Variants in EHMT1 observed in about 807,000 individuals in gnomAD.
EHMT1 encodes the protein euchromatic histone lysine methyltransferase 1.
In EHMT1, 15 loss-of-function variants were observed where a neutral mutation model predicts 147.2. That is an observed-to-expected ratio of 0.10 (90% CI 0.07 to 0.16). EHMT1 has a LOEUF of 0.16. EHMT1 is among the 10% of genes least tolerant of loss of function. The pLI is 1.00. For missense variants in EHMT1, 1,587 were observed against 1,772.4 expected, an observed-to-expected ratio of 0.90 and a Z score of 1.88; for synonymous variants, 795 against 709.6, an observed-to-expected ratio of 1.12 and a Z score of -1.91.
At position 137,800,777 on chromosome 9, in the gene EHMT1, G is replaced by C. The variant is rs949157076; in HGVS notation, c.2608-103G>C. ...CCTGAGTGAGACGCCTGCACGAGGG[G>C]CATGGTACCTGGGAGGTGCAGAGAC... On this transcript the variant is annotated intron_variant, in intron 17 of 26. Coordinates refer to ENST00000460843, the MANE Select transcript of EHMT1 (RefSeq NM_024757.5). The C allele has an allele frequency of 4.2e-6, 4 of 959,956 alleles. No individual in the cohort carries two copies. The African/African-American group carries it at 6.5e-5, about 16-fold the overall frequency. The allele number at this position is 959,956 out of a possible 1,614,324, so 59.5% of individuals were successfully genotyped here.
intron 10 of EHMT1, chr9:137,764,154 A>T (rs1950054206): frequency 6.6e-6 from 1 of 152,398 alleles, no homozygotes; most frequent in Non-Finnish European, 1.5e-5. Flanking sequence ...GTGGAGTCAG[A>T]TCCCCGTGTG....
At chr9:137,817,696 C>T (rs1955031497) in intron 24 of EHMT1, 171 bp downstream of exon 24, 3 of 805,048 alleles carry the variant, frequency 3.7e-6, no homozygotes, top group Non-Finnish European at 6.0e-6. Context: ...GTGCTGTCCT[C>T]AGTCCTCTTG....
At chr9:137,817,306 G>A (rs1247746257) in intron 23 of EHMT1, 133 bp from the exon 24 acceptor site, 47 of 981,506 alleles carry the variant, frequency 4.8e-5, no homozygotes, top group Non-Finnish European at 1.7e-5. Flanking sequence ...GGTGCCTGCA[G>A]CATCGAACGC....
At chr9:137,783,203 T>C (rs1951701923) in intron 15 of EHMT1, among the ~76,000 whole-genome samples, 1 of 152,232 alleles carries the variant, frequency 6.6e-6, no homozygotes, top group Admixed American at 6.5e-5. Context: ...GAGGATTTCC[T>C]GTGTGACTTC....
At chr9:137,825,180 G>A (rs912959382) in intron 25 of EHMT1, among the ~76,000 whole-genome samples, 5 of 152,144 alleles carry the variant, frequency 3.3e-5, no homozygotes, top group African/African-American at 9.7e-5. Context: ...GGAGAATGTC[G>A]GGGCTTTGCC....
At chr9:137,801,102 C>G in intron 18 of EHMT1, 118 bp downstream of exon 18, 1 of 858,488 alleles carries the variant, frequency 1.2e-6, no homozygotes, top group Admixed American at 2.0e-5. Context: ...TTGACCTCTT[C>G]CTGTGGCAGC....
At chr9:137,795,450 C>T (rs922848589) in intron 16 of EHMT1, among the ~76,000 whole-genome samples, 1 of 148,114 alleles carries the variant, frequency 6.8e-6, no homozygotes, top group Non-Finnish European at 1.5e-5. Context: ...CATACACACA[C>T]AGACACACAC....
intron 10 of EHMT1, among the ~76,000 whole-genome samples, chr9:137,766,421 C>T (rs890732678): frequency 3.9e-5 from 6 of 152,164 alleles, no homozygotes; most frequent in South Asian, 2.1e-4. Context: ...TTGAGACCAT[C>T]GTGGCCAACA....
rs758617464 is a variant in EHMT1, at chr9:137,716,937, C to G, written c.397C>G (p.Gln133Glu). ...ATACATCTTAAATAAGCCGGCCCTACAGGCACAGCCCTTGAGGACTACCAG... is the reference window on the plus strand; with the variant it reads ...ATACATCTTAAATAAGCCGGCCCTAGAGGCACAGCCCTTGAGGACTACCAG... ...NGYILNKPAL[Q>E]AQPLRTTSTL... The change falls in exon 3 of 27, where the codon CAG (glutamine) becomes GAG (glutamate). Residue 133 changes from glutamine (Q) to glutamate (E), a missense_variant. Physicochemically the swap from Gln to Glu is conservative, Grantham distance 29. Coordinates refer to ENST00000460843, the MANE Select transcript of EHMT1 (RefSeq NM_024757.5). 18 of 1,612,960 alleles carry G rather than the reference C, an allele frequency of 1.1e-5. No homozygotes were observed. Among genetic ancestry groups the G allele is most frequent in the Non-Finnish European group, 1.4e-5 (17 of 1,179,854 alleles).
At chr9:137,727,785 A>G (rs1414919588) in intron 3 of EHMT1, among the ~76,000 whole-genome samples, 1 of 152,250 alleles carries the variant, frequency 6.6e-6, no homozygotes, top group Non-Finnish European at 1.5e-5. Context: ...CTGCAGGCTG[A>G]GACTAAAGGC....
chr9:137,751,925 A>G (rs893595258), intron 6 of EHMT1, among the ~76,000 whole-genome samples: 7 of 152,072 alleles, frequency 4.6e-5, no homozygotes, highest in Non-Finnish European at 8.8e-5. Context: ...GCCTCTGAAA[A>G]TCTTTTTATG....
chr9:137,642,164 A>G (rs973410794), intron 1 of EHMT1, among the ~76,000 whole-genome samples: 4 of 152,082 alleles, frequency 2.6e-5, no homozygotes, highest in African/African-American at 9.7e-5. Context: ...CTATTCCCCC[A>G]GTCTCTACTT....
chr9:137,711,044 G>A lies in EHMT1; in HGVS notation c.85+14G>A, dbSNP rs754762160. ...TGCTGGGAGAAGGTGAGGGCGGTGT[G>A]CACCGAGGGACAGGAGCAGCGCCTC... On this transcript the variant is annotated intron_variant, in intron 2 of 26. Coordinates refer to ENST00000460843, the MANE Select transcript of EHMT1 (RefSeq NM_024757.5). 8 of 1,583,320 alleles carry A rather than the reference G, an allele frequency of 5.1e-6. No homozygotes were observed. Among genetic ancestry groups the A allele is most frequent in the South Asian group, 3.5e-5 (3 of 86,212 alleles).
At position 137,678,438 on chromosome 9, in the gene EHMT1, G is replaced by C. The variant is rs1047320050; in HGVS notation, c.22-32529G>C. On this transcript the variant is annotated intron_variant, in intron 1 of 26. Transcript: ENST00000460843. ...ACTTTTTATTGTGAAATAATTTTGT[G>C]AAATGCTTTTTCTCCCTCCGTTGTC... Among the ~76,000 whole-genome samples the C allele has an allele frequency of 7.9e-5, 12 of 152,210 alleles. No homozygotes were observed. The South Asian group carries it at 2.3e-3, about 29-fold the overall frequency.
chr9:137,745,467 A>G (rs1250635378), intron 6 of EHMT1: 5 of 398,512 alleles, frequency 1.3e-5, no homozygotes, highest in Admixed American at 8.8e-5. Flanking sequence ...CTCCTCTTAT[A>G]TGAAGAAGCA....
intron 13 of EHMT1, among the ~76,000 whole-genome samples, chr9:137,778,562 CTCTG>C (rs1951136868): frequency 6.6e-6 from 1 of 152,212 alleles, no homozygotes; most frequent in African/African-American, 2.4e-5. Context: ...TGGATCTCCC[CTCTG>C]TCTGCCTCCA....
At chr9:137,715,544 G>C in intron 2 of EHMT1, 1 of 985,406 alleles carries the variant, frequency 1.0e-6, no homozygotes, top group Non-Finnish European at 1.2e-6. Flanking sequence ...AGGAAGGAGG[G>C]CACTGGGCGG....
At chr9:137,784,278 TCCGCCTTTCAGAGAGGC>T in intron 15 of EHMT1, 1 of 1,475,182 alleles carries the variant, frequency 6.8e-7, no homozygotes, top group Non-Finnish European at 9.1e-7. Context: ...GGGGGCTGAC[TCCGCCTTTCAGAGAGGC>T]GTGGCTCCAT....
At chr9:137,654,079 T>G (rs917737256) in intron 1 of EHMT1, among the ~76,000 whole-genome samples, 1 of 152,178 alleles carries the variant, frequency 6.6e-6, no homozygotes. Context: ...CATGGCTTCA[T>G]TGAAAAATTA....
Sources: allele counts gnomAD v4.1 joint callset (sites outside exome capture counted in the v4.1 genomes callset), GRCh38; gene constraint gnomAD v4.1.1; transcripts MANE v1.5; gene names NCBI Gene and HGNC (gene_info 2026-07-23, HGNC 2026-07-21).